TAFA4: variants seen among roughly 807,000 people sequenced by gnomAD.
TAFA4 encodes the protein chemokine-like protein TAFA-4.
Under a neutral mutation model 21.1 loss-of-function variants are expected in TAFA4, and 20 were observed. The ratio of observed to expected loss-of-function variants is 0.95; its 90% CI spans 0.67 to 1.38. The LOEUF is 1.38. TAFA4 is among the 40% of genes most tolerant of loss of function. TAFA4 has a pLI of 0.00. For synonymous variants in TAFA4, 71 were observed against 67.4 expected (o/e 1.05, Z -0.26); for missense variants, 211 against 180.9 (o/e 1.17, Z -0.95).
chr3:68,868,013 T>C (rs773780486), intron 3 of TAFA4, among the ~76,000 whole-genome samples: 1 of 152,026 alleles, frequency 6.6e-6, no homozygotes, highest in Non-Finnish European at 1.5e-5. Flanking sequence ...CAACCTTGAA[T>C]GTAAATTGAC....
At chr3:68,754,840 A>G (rs960920299) in intron 3 of TAFA4, among the ~76,000 whole-genome samples, 1 of 152,178 alleles carries the variant, frequency 6.6e-6, no homozygotes, top group Non-Finnish European at 1.5e-5. Flanking sequence ...GAGACCCTTC[A>G]AATTGTCCCA....
chr3:68,878,340 C>G (rs918665247), intron 3 of TAFA4, among the ~76,000 whole-genome samples: 3 of 152,166 alleles, frequency 2.0e-5, no homozygotes, highest in African/African-American at 7.2e-5. Context: ...TTTTTGAAGT[C>G]TCCTAGTATT....
chr3:68,862,516 T>C (rs2089357711), intron 3 of TAFA4, among the ~76,000 whole-genome samples: 1 of 152,092 alleles, frequency 6.6e-6, no homozygotes. Context: ...TTCCTGAGCA[T>C]TTCCAGTTTA....
At chr3:68,833,981 G>C (rs1023257809) in intron 3 of TAFA4, among the ~76,000 whole-genome samples, 1 of 152,168 alleles carries the variant, frequency 6.6e-6, no homozygotes, top group African/African-American at 2.4e-5. Flanking sequence ...CAGTTGGAGG[G>C]GAGAGGCAGA....
intron 3 of TAFA4, among the ~76,000 whole-genome samples, chr3:68,837,970 A>G (rs1160902961): frequency 2.6e-5 from 4 of 152,240 alleles, no homozygotes; most frequent in Non-Finnish European, 5.9e-5. Flanking sequence ...CTCTAAATCA[A>G]GCTAATTAAC....
chr3:68,875,426 A>T (rs1339683106), intron 3 of TAFA4, among the ~76,000 whole-genome samples: 1 of 152,152 alleles, frequency 6.6e-6, no homozygotes, highest in Non-Finnish European at 1.5e-5. Context: ...CCACTATCTT[A>T]TGGATGCCTT....
At chr3:68,746,224 T>C (rs533097233) in intron 4 of TAFA4, among the ~76,000 whole-genome samples, 1 of 152,278 alleles carries the variant, frequency 6.6e-6, no homozygotes, top group East Asian at 1.9e-4. Context: ...GTTTTGGGTC[T>C]AGGACTGGCT....
chr3:68,836,780 C>G (rs983985710), intron 3 of TAFA4, among the ~76,000 whole-genome samples: 1 of 150,236 alleles, frequency 6.7e-6, no homozygotes, highest in African/African-American at 2.5e-5. Flanking sequence ...AGATTGGAGT[C>G]CAGGGGTCAG....
intron 1 of TAFA4, among the ~76,000 whole-genome samples, chr3:68,904,065 T>TAA (rs10707666): frequency 3.5e-5 from 5 of 143,400 alleles, no homozygotes; most frequent in African/African-American, 5.1e-5. Context: ...TTTAGAAAGT[T>TAA]AAAAAAAAAA....
At chr3:68,865,776 C>A (rs2089408166) in intron 3 of TAFA4, among the ~76,000 whole-genome samples, 1 of 152,008 alleles carries the variant, frequency 6.6e-6, no homozygotes, top group Non-Finnish European at 1.5e-5. Context: ...TCCAAAGTAG[C>A]TAGAACTATA....
intron 1 of TAFA4, among the ~76,000 whole-genome samples, chr3:68,908,871 C>A (rs186665932): frequency 9.2e-5 from 14 of 152,130 alleles, no homozygotes; most frequent in Non-Finnish European, 1.8e-4. Flanking sequence ...AGCATGACAA[C>A]GATCCAGGGT....
At chr3:68,887,925 C>T (rs2089689371) in intron 1 of TAFA4, among the ~76,000 whole-genome samples, 1 of 152,070 alleles carries the variant, frequency 6.6e-6, no homozygotes, top group Admixed American at 6.6e-5. Context: ...TTTGCCTGAC[C>T]ACACCCTTAG....
chr3:68,843,723 C>T (rs183178635), intron 3 of TAFA4, among the ~76,000 whole-genome samples: 6 of 152,306 alleles, frequency 3.9e-5, no homozygotes, highest in East Asian at 1.9e-4. Flanking sequence ...GTTTTTAGCA[C>T]GAAGTGCTGT....
chr3:68,846,158 A>G (rs1704786739), intron 3 of TAFA4, among the ~76,000 whole-genome samples: 1 of 151,772 alleles, frequency 6.6e-6, no homozygotes, highest in Admixed American at 6.6e-5. Context: ...CACCAATCAA[A>G]CGTAGATTTG....
At chr3:68,926,894 G>A (rs966942816) in intron 1 of TAFA4, among the ~76,000 whole-genome samples, 1 of 152,164 alleles carries the variant, frequency 6.6e-6, no homozygotes, top group African/African-American at 2.4e-5. Context: ...CTGGGTGACA[G>A]AGCAAGAATC....
intron 3 of TAFA4, among the ~76,000 whole-genome samples, chr3:68,878,802 G>A (rs927298079): frequency 1.3e-4 from 20 of 152,266 alleles, no homozygotes; most frequent in African/African-American, 4.6e-4. Flanking sequence ...CTGTGGAAAT[G>A]TATTAATGCC....
chr3:68,824,178 T>C (rs1181534126), intron 3 of TAFA4, among the ~76,000 whole-genome samples: 1 of 152,220 alleles, frequency 6.6e-6, no homozygotes, highest in Non-Finnish European at 1.5e-5. Flanking sequence ...ATACTTCCTA[T>C]AATTTTTTCT....
chr3:68,764,427 T>A (rs1171899180), intron 3 of TAFA4, among the ~76,000 whole-genome samples: 1 of 152,176 alleles, frequency 6.6e-6, no homozygotes, highest in Non-Finnish European at 1.5e-5. Context: ...CTGTGGTATT[T>A]GTAGAAGCCC....
At chr3:68,864,893 A>T (rs1438227344) in intron 3 of TAFA4, among the ~76,000 whole-genome samples, 1 of 152,122 alleles carries the variant, frequency 6.6e-6, no homozygotes, top group Non-Finnish European at 1.5e-5. Context: ...CACAAACAAA[A>T]TTCTAGAAAA....
Sources: gnomAD v4.1 joint callset for allele counts (sites outside exome capture counted in the v4.1 genomes callset) on GRCh38, gnomAD v4.1.1 for gene constraint, MANE v1.5 for transcripts, NCBI Gene and HGNC (gene_info 2026-07-23, HGNC 2026-07-21) for gene names.